Variants in WWC2 observed in about 807,000 individuals in gnomAD.
WWC2 encodes WW and C2 domain containing 2.
A neutral mutation model predicts 138.5 loss-of-function variants in WWC2; 101 were observed. The observed-to-expected ratio is 0.73, with a 90% CI of 0.62 to 0.86. WWC2 has a LOEUF of 0.86. Among genes scored for constraint, WWC2 ranks in the 40% least tolerant of loss-of-function variants. The pLI is 0.00. For synonymous variants in WWC2, 558 were observed against 538.4 expected, an observed-to-expected ratio of 1.04 and a Z score of -0.50; for missense variants, 1,420 against 1,419.4, an observed-to-expected ratio of 1.00 and a Z score of -0.01.
chr4:183,311,654 A>G (rs929013399), intron 21 of WWC2, among the ~76,000 whole-genome samples: 2 of 140,908 alleles, frequency 1.4e-5, no homozygotes, highest in Non-Finnish European at 3.0e-5. Context: ...ATCTCGGCTC[A>G]CTGCAAGCTC....
rs371819502 is a variant in WWC2 at position 183,113,515 on chromosome 4, T to TGTGTGTGC, written c.131+13894_131+13895insTGTGTGCG. ...GTGTGTGTGTGTGTGTGTGTGTGTG[T>TGTGTGTGC]GCGCGCGCGTGCGCGCGCACATGCA... On this transcript the variant is annotated intron_variant, in intron 1 of 22. Transcript: ENST00000403733. Among the ~76,000 whole-genome samples, 163 of 126,694 alleles carry TGTGTGTGC rather than the reference T, an allele frequency of 1.3e-3. 3 individuals are homozygous for TGTGTGTGC. The highest frequency in any genetic ancestry group is 4.4e-3 in the African/African-American group (147 of 33,274). The allele number at this position is 126,694 out of a possible 152,430, so 83.1% of individuals were successfully genotyped here.
chr4:183,156,286 A>G (rs1236829433), intron 1 of WWC2, among the ~76,000 whole-genome samples: 1 of 150,190 alleles, frequency 6.7e-6, no homozygotes, highest in African/African-American at 2.4e-5. Context: ...TCAGCCTCCT[A>G]AAGTGTTGGG....
chr4:183,285,418 A>G (rs1738213307), intron 19 of WWC2, among the ~76,000 whole-genome samples: 2 of 152,248 alleles, frequency 1.3e-5, no homozygotes, highest in South Asian at 2.1e-4. Flanking sequence ...CAAAAAATAT[A>G]TAAGTACCTT....
At chr4:183,224,622 G>T (rs868018695) in intron 4 of WWC2, among the ~76,000 whole-genome samples, 2 of 152,094 alleles carry the variant, frequency 1.3e-5, no homozygotes, top group African/African-American at 4.8e-5. Flanking sequence ...GTGCACTGGC[G>T]CCATCTCAGC....
intron 17 of WWC2, among the ~76,000 whole-genome samples, chr4:183,282,351 A>G (rs535640603): frequency 3.3e-5 from 5 of 152,382 alleles, no homozygotes; most frequent in Admixed American, 2.6e-4. Context: ...TAATTTTACA[A>G]TAAATGAACA....
chr4:183,174,312 C>A (rs1734395184), intron 1 of WWC2, among the ~76,000 whole-genome samples: 2 of 152,218 alleles, frequency 1.3e-5, no homozygotes, highest in South Asian at 4.1e-4. Flanking sequence ...GGCAAGTCCT[C>A]CATGGTCACA....
intron 2 of WWC2, among the ~76,000 whole-genome samples, chr4:183,206,889 G>C (rs578166519): frequency 1.3e-5 from 2 of 152,316 alleles, no homozygotes; most frequent in African/African-American, 4.8e-5. Context: ...AACATAAAAT[G>C]TTTAGGGTAA....
intron 21 of WWC2, among the ~76,000 whole-genome samples, chr4:183,305,374 A>C (rs1284412181): frequency 1.3e-5 from 2 of 152,170 alleles, no homozygotes; most frequent in Non-Finnish European, 2.9e-5. Context: ...CTCCAAATTA[A>C]TGTCAAACAT....
intron 1 of WWC2, among the ~76,000 whole-genome samples, chr4:183,124,639 G>A (rs1276765524): frequency 6.7e-6 from 1 of 150,046 alleles, no homozygotes; most frequent in Admixed American, 6.7e-5. Context: ...GCCTAGGCTG[G>A]AGTGCAGTGG....
At chr4:183,295,096 G>C (rs1738592000) in intron 21 of WWC2, among the ~76,000 whole-genome samples, 1 of 152,092 alleles carries the variant, frequency 6.6e-6, no homozygotes, top group Non-Finnish European at 1.5e-5. Context: ...AAATTAAGAA[G>C]GAGTTTCTTG....
chr4:183,286,262 G>T (rs1429795177), intron 20 of WWC2, among the ~76,000 whole-genome samples: 2 of 152,142 alleles, frequency 1.3e-5, no homozygotes, highest in African/African-American at 4.8e-5. Flanking sequence ...TTCATCATTG[G>T]TGTGGAACCT....
At chr4:183,172,418 C>G (rs1734316109) in intron 1 of WWC2, among the ~76,000 whole-genome samples, 1 of 152,126 alleles carries the variant, frequency 6.6e-6, no homozygotes. Flanking sequence ...TTATTCTGCT[C>G]TCATATGTGA....
intron 1 of WWC2, among the ~76,000 whole-genome samples, chr4:183,150,498 T>TTA (rs1469394661): frequency 6.6e-6 from 1 of 152,138 alleles, no homozygotes; most frequent in Admixed American, 6.5e-5. Context: ...GTTGATGTCA[T>TTA]TATATAGTAT....
intron 3 of WWC2, 60 bp from the exon 4 acceptor site, chr4:183,208,889 A>C: frequency 1.7e-6 from 2 of 1,182,400 alleles, no homozygotes. Flanking sequence ...AGTAAATTCT[A>C]AGCTGAGAAC....
chr4:183,103,411 G>A (rs975997569), intron 1 of WWC2, among the ~76,000 whole-genome samples: 16 of 147,308 alleles, frequency 1.1e-4, no homozygotes, highest in Non-Finnish European at 2.2e-4. Context: ...TCGGCTTACT[G>A]CGGCTCCCGG....
chr4:183,233,043 G>A (rs900141957), intron 4 of WWC2, among the ~76,000 whole-genome samples: 2 of 150,792 alleles, frequency 1.3e-5, no homozygotes, highest in Admixed American at 6.6e-5. Flanking sequence ...ACATGTACAA[G>A]TGTTTGTGTG....
chr4:183,293,048 C>T lies in WWC2; in HGVS notation c.3384+3413C>T, dbSNP rs1035397358. On this transcript the variant is annotated intron_variant, in intron 21 of 22. Coordinates refer to ENST00000403733, the MANE Select transcript of WWC2 (RefSeq NM_024949.6). ...TCGGCTCACTGCAGCCTCTGCCTCC[C>T]GGGTTCAAGAGATTCTCCTGCCTCA... Among the ~76,000 whole-genome samples, 13 of 152,284 alleles carry T rather than the reference C, an allele frequency of 8.5e-5. No individual in the cohort carries two copies. The East Asian group carries it at 1.9e-3, about 23-fold the overall frequency.
At chr4:183,222,446 C>G (rs1166730575) in intron 4 of WWC2, among the ~76,000 whole-genome samples, 1 of 151,638 alleles carries the variant, frequency 6.6e-6, no homozygotes, top group Non-Finnish European at 1.5e-5. Context: ...CATAAAATAT[C>G]TAGAATTAAC....
In WWC2 at chr4:183,315,723, T is replaced by G; in HGVS notation, c.3573T>G (p.Asp1191Glu). The G allele has an allele frequency of 6.2e-7, 1 of 1,612,046 alleles. No individual in the cohort carries two copies. The highest frequency in any genetic ancestry group is 8.5e-7 in the Non-Finnish European group (1 of 1,178,428). ...GCATCCCATCCCTGCCAGCTGATGATGTGTGATTACATGACTTAAGAAATT... is the reference window on the plus strand; with the variant it reads ...GCATCCCATCCCTGCCAGCTGATGAGGTGTGATTACATGACTTAAGAAATT... Reference protein sequence around the residue: ...KISIPSLPADDV With the variant: ...KISIPSLPADEV The change falls in exon 23 of 23, where the codon GAT (aspartate) becomes GAG (glutamate). Residue 1191 changes from aspartate (D) to glutamate (E), a missense_variant. Asp to Glu is a conservative substitution (Grantham distance 45). Coordinates refer to ENST00000403733, the MANE Select transcript of WWC2 (RefSeq NM_024949.6).
Sources: allele counts gnomAD v4.1 joint callset (sites outside exome capture counted in the v4.1 genomes callset), GRCh38; gene constraint gnomAD v4.1.1; transcripts MANE v1.5; gene names NCBI Gene and HGNC (gene_info 2026-07-23, HGNC 2026-07-21).